The following THSD4 variants were observed in gnomAD, a reference collection of about 807,000 sequenced individuals.
The protein encoded by THSD4 is thrombospondin type 1 domain containing 4, also known as thrombospondin type-1 domain-containing protein 4.
Under a neutral mutation model 119.0 loss-of-function variants are expected in THSD4, and 69 were observed. That is an observed-to-expected ratio of 0.58 (90% CI 0.48 to 0.71). THSD4 has a LOEUF of 0.71. Among genes scored for constraint, THSD4 ranks in the 30% least tolerant of loss-of-function variants. The pLI, the probability that THSD4 is intolerant of heterozygous loss-of-function variation, is 0.00. For missense variants in THSD4, 1,393 were observed against 1,391.1 expected (o/e 1.00, Z -0.02); for synonymous variants, 524 against 540.4 (o/e 0.97, Z 0.42).
At chr15:71,343,014 T>C (rs1484004285) in intron 6 of THSD4, 2 of 152,258 alleles carry the variant, frequency 1.3e-5, no homozygotes, top group African/African-American at 4.8e-5. Flanking sequence ...GCCAGAGCCT[T>C]TGTGCTTACT....
At chr15:71,464,503 G>C (rs552745129) in intron 7 of THSD4, among the ~76,000 whole-genome samples, 2 of 152,170 alleles carry the variant, frequency 1.3e-5, no homozygotes, top group Non-Finnish European at 2.9e-5. Flanking sequence ...CAAGGTAGCC[G>C]TGTTACCCAC....
intron 6 of THSD4, among the ~76,000 whole-genome samples, chr15:71,261,544 A>G (rs568437079): frequency 2.6e-5 from 4 of 152,208 alleles, no homozygotes; most frequent in East Asian, 3.9e-4. Flanking sequence ...AAACTATACC[A>G]TGGTCTTGTT....
chr15:71,430,820 A>G (rs1450016161), intron 7 of THSD4, among the ~76,000 whole-genome samples: 1 of 151,778 alleles, frequency 6.6e-6, no homozygotes, highest in African/African-American at 2.4e-5. Flanking sequence ...GGGCAGCCAT[A>G]AGAAATGTGT....
intron 3 of THSD4, among the ~76,000 whole-genome samples, chr15:71,163,207 T>TA (rs2043262845): frequency 6.6e-6 from 1 of 151,982 alleles, no homozygotes; most frequent in African/African-American, 2.4e-5. Flanking sequence ...CTTTTTCATG[T>TA]TTCTTGTGTC....
rs553129796 is a variant in THSD4, at chr15:71,778,930, G to A, written c.*1556G>A. On this transcript the variant is annotated 3_prime_UTR_variant, in exon 18 of 18. Coordinates refer to ENST00000261862, the MANE Select transcript of THSD4 (RefSeq NM_024817.3). ...AGAAAAAATGGCAAGCTAAACAAAT[G>A]TTAAACTTACAGAAAATTTGTCTTA... 3 of 152,386 alleles carry A rather than the reference G, an allele frequency of 2.0e-5. No homozygotes were observed. Among genetic ancestry groups the A allele is most frequent in the African/African-American group, 7.2e-5 (3 of 41,598 alleles). 9.4% of individuals were successfully genotyped at this position (152,386 alleles called of 1,614,324 possible). A position where few individuals can be genotyped will look rare whatever the true frequency, so the allele number is the denominator to read the frequency against.
chr15:71,506,466 A>T (rs936460072), intron 7 of THSD4, among the ~76,000 whole-genome samples: 2 of 152,080 alleles, frequency 1.3e-5, no homozygotes, highest in Non-Finnish European at 2.9e-5. Flanking sequence ...CCAGAGACTG[A>T]CTCTACCCCG....
chr15:71,576,072 G>A (rs1208411076), intron 7 of THSD4, among the ~76,000 whole-genome samples: 1 of 151,074 alleles, frequency 6.6e-6, no homozygotes, highest in African/African-American at 2.4e-5. Flanking sequence ...TTTTATGAAA[G>A]GATAGTAAGA....
intron 6 of THSD4, among the ~76,000 whole-genome samples, chr15:71,385,956 A>G (rs1322159451): frequency 2.0e-5 from 3 of 152,220 alleles, no homozygotes; most frequent in East Asian, 1.9e-4. Flanking sequence ...AAAGAAAGCA[A>G]TGGCAGAATG....
intron 4 of THSD4, among the ~76,000 whole-genome samples, chr15:71,241,095 A>G (rs2044149111): frequency 2.0e-5 from 3 of 152,234 alleles, no homozygotes; most frequent in Admixed American, 2.0e-4. Context: ...TGAGGGCAGA[A>G]ATCAATGTTT....
At position 71,782,794 on chromosome 15, in the gene THSD4, A is replaced by G. The variant is rs1567152845; in HGVS notation, c.*5420A>G. The G allele has an allele frequency of 6.6e-6, 1 of 152,184 alleles. No individual in the cohort carries two copies. Among genetic ancestry groups the G allele is most frequent in the African/African-American group, 2.4e-5 (1 of 41,438 alleles). The allele number at this position is 152,184 out of a possible 1,614,324, so 9.4% of individuals were successfully genotyped here. On this transcript the variant is annotated 3_prime_UTR_variant, in exon 18 of 18. Transcript: ENST00000261862. ...CCTGATTGCTACTTTTTCATCTTAA[A>G]TATTATATTTCCTCATCTAATCTGC...
At chr15:71,481,692 A>AG (rs2047732218) in intron 7 of THSD4, among the ~76,000 whole-genome samples, 1 of 8,262 alleles carries the variant, frequency 1.2e-4, no homozygotes, top group East Asian at 0.011. Context: ...AAATAAGAAA[A>AG]AGAAGGACAA....
intron 7 of THSD4, among the ~76,000 whole-genome samples, chr15:71,607,271 G>A (rs530174847): frequency 6.6e-6 from 1 of 152,184 alleles, no homozygotes; most frequent in Non-Finnish European, 1.5e-5. Context: ...AGAATAAGTG[G>A]TAATGAGGAA....
At chr15:71,313,111 A>G (rs187374092) in intron 6 of THSD4, among the ~76,000 whole-genome samples, 9 of 152,302 alleles carry the variant, frequency 5.9e-5, no homozygotes, top group Admixed American at 4.6e-4. Context: ...GTTTATTTAT[A>G]TCAGTATCAT....
intron 8 of THSD4, among the ~76,000 whole-genome samples, chr15:71,668,849 A>C (rs945746226): frequency 1.5e-4 from 23 of 152,238 alleles, no homozygotes; most frequent in Non-Finnish European, 2.6e-4. Flanking sequence ...TCTTAAGCCT[A>C]TAGCATGAAA....
chr15:71,568,345 A>C (rs918357524), intron 7 of THSD4, among the ~76,000 whole-genome samples: 2 of 152,008 alleles, frequency 1.3e-5, no homozygotes, highest in Non-Finnish European at 2.9e-5. Context: ...AATGCTACAA[A>C]ATAGGATGCA....
At chr15:71,698,646 TACATGAA>T (rs944067902) in intron 8 of THSD4, among the ~76,000 whole-genome samples, 2 of 135,212 alleles carry the variant, frequency 1.5e-5, no homozygotes, top group African/African-American at 6.0e-5. Flanking sequence ...CATGTATATA[TACATGAA>T]ATATATACAT....
chr15:71,415,880 C>T (rs1293627894), intron 7 of THSD4, among the ~76,000 whole-genome samples: 4 of 152,086 alleles, frequency 2.6e-5, no homozygotes, highest in African/African-American at 7.2e-5. Context: ...CACTGCAGCC[C>T]CCGCCTCCCA....
chr15:71,739,142 C>G (rs910689272), intron 11 of THSD4, among the ~76,000 whole-genome samples: 2 of 151,174 alleles, frequency 1.3e-5, no homozygotes, highest in Non-Finnish European at 2.9e-5. Context: ...GGCGTGTTAG[C>G]TGGCTTTTAC....
chr15:71,682,150 T>A (rs1276228965), intron 8 of THSD4, among the ~76,000 whole-genome samples: 1 of 152,192 alleles, frequency 6.6e-6, no homozygotes, highest in Non-Finnish European at 1.5e-5. Flanking sequence ...AAGTTAAACT[T>A]TCATCACAGA....
Sources: allele counts gnomAD v4.1 joint callset (sites outside exome capture counted in the v4.1 genomes callset), GRCh38; gene constraint gnomAD v4.1.1; transcripts MANE v1.5; gene names NCBI Gene and HGNC (gene_info 2026-07-23, HGNC 2026-07-21).